Variants in UGT1A6 observed in about 807,000 individuals in gnomAD.
UGT1A6 encodes UDP-glucuronosyltransferase 1A6.
UGT1A6 carries 32 observed loss-of-function variants against 44.4 expected under a neutral mutation model. The ratio of observed to expected loss-of-function variants is 0.72; its 90% CI spans 0.54 to 0.97. The LOEUF is 0.97. Ranked by LOEUF, UGT1A6 falls within the 50% of genes least tolerant of loss-of-function variation. The probability of loss-of-function intolerance (pLI) is 0.00; values close to 1 mark genes in which losing one functional copy is unlikely to be tolerated. For missense variants in UGT1A6, 685 were observed against 661.9 expected (o/e 1.03, Z -0.38); for synonymous variants, 238 against 248.5 (o/e 0.96, Z 0.40).
chr2:233,749,951 T>C (rs566356604), intron 1 of UGT1A6, among the ~76,000 whole-genome samples: 1 of 151,998 alleles, frequency 6.6e-6, no homozygotes, highest in South Asian at 2.1e-4. Context: ...AATTACCGAG[T>C]CTTGGGTATG....
Position 233,769,784 on chromosome 2 carries a change from G to A in UGT1A6, c.1301+1345G>A. 3 of 1,312,290 alleles carry A rather than the reference G, an allele frequency of 2.3e-6. No individual in the cohort carries two copies. The highest frequency in any genetic ancestry group is 3.0e-6 in the Non-Finnish European group (3 of 1,000,230). 81.3% of individuals were successfully genotyped at this position (1,312,290 alleles called of 1,614,324 possible). The stretch of plus-strand genomic sequence containing the variant: ...GCGGGAGGATTGCTTGAGCCCAGAA[G>A]TTGGAGGCTGCTATGAGCCGTGATC... On this transcript the variant is annotated intron_variant, in intron 4 of 4. Coordinates refer to ENST00000305139, the MANE Select transcript of UGT1A6 (RefSeq NM_001072.4). This position sits in a 1 kb window ranked among gnomAD's most constrained non-coding sequence, Gnocchi z 4.4.
intron 1 of UGT1A6, among the ~76,000 whole-genome samples, chr2:233,724,404 G>C (rs1202271642): frequency 1.4e-5 from 2 of 140,508 alleles, no homozygotes; most frequent in African/African-American, 2.7e-5. Flanking sequence ...CTTCCCAGAT[G>C]GGGTGGCTGC....
chr2:233,755,003 C>G (rs10929301), intron 1 of UGT1A6: 604,259 of 1,287,546 alleles, frequency 0.47, 145,841 homozygotes, highest in African/African-American at 0.7. Context: ...AGCTGAAGAC[C>G]TACTCGAAGG....
chr2:233,735,219 T>G (rs1349774730), intron 1 of UGT1A6, among the ~76,000 whole-genome samples: 1 of 152,194 alleles, frequency 6.6e-6, no homozygotes, highest in Admixed American at 6.5e-5. Flanking sequence ...GCATATATAT[T>G]TAGGATAGTT....
At chr2:233,772,231 C>G (rs2126066106) in intron 4 of UGT1A6, 31 bp from the exon 5 acceptor site, 1 of 1,613,718 alleles carries the variant, frequency 6.2e-7, no homozygotes, top group Non-Finnish European at 8.5e-7. Context: ...CACAGGTGTT[C>G]CAGGCATAAC....
chr2:233,768,137 T>C (rs143830502), intron 3 of UGT1A6, 83 bp from the exon 4 acceptor site: 2 of 1,609,224 alleles, frequency 1.2e-6, no homozygotes, highest in East Asian at 4.5e-5. Context: ...ACTGAGTCTT[T>C]GGAGTGTTTT....
At chr2:233,737,721 CT>C (rs1222184655) in intron 1 of UGT1A6, among the ~76,000 whole-genome samples, 14 of 151,438 alleles carry the variant, frequency 9.2e-5, no homozygotes, top group African/African-American at 1.9e-4. Flanking sequence ...CCAACACCTC[CT>C]TTTTTTTTCC....
chr2:233,707,891 T>G (rs1264275324), intron 1 of UGT1A6, among the ~76,000 whole-genome samples: 1 of 152,254 alleles, frequency 6.6e-6, no homozygotes, highest in African/African-American at 2.4e-5. Flanking sequence ...GCATTAGTTA[T>G]GTACATGACT....
intron 1 of UGT1A6, chr2:233,741,725 C>G (rs1312283881): frequency 6.6e-6 from 1 of 151,856 alleles, no homozygotes; most frequent in Non-Finnish European, 1.5e-5. Flanking sequence ...AGAGCATATC[C>G]AAACCCATAT....
intron 1 of UGT1A6, chr2:233,755,911 G>A (rs1696063109): frequency 6.6e-6 from 1 of 151,336 alleles, no homozygotes; most frequent in African/African-American, 2.4e-5. Context: ...AATGTAGTGA[G>A]AAGAGTGGCA....
intron 1 of UGT1A6, among the ~76,000 whole-genome samples, chr2:233,739,213 A>G (rs1053433139): frequency 6.6e-6 from 1 of 152,254 alleles, no homozygotes; most frequent in Non-Finnish European, 1.5e-5. Context: ...CTGCATGGAT[A>G]GAGTCCTTAT....
chr2:233,732,720 A>G lies in UGT1A6; in HGVS notation c.862-34314A>G, dbSNP rs554458452. On this transcript the variant is annotated intron_variant, in intron 1 of 4. Transcript: ENST00000305139. ...TTTTGTTACTGTAGCCTTGTAGTAC[A>G]GTTTGAAGTCAGGTAGCATGATGCC... Among the ~76,000 whole-genome samples, 386 of 148,730 alleles carry G rather than the reference A, an allele frequency of 2.6e-3. 1 individual carries two copies. The highest frequency in any genetic ancestry group is 3.9e-3 in the Non-Finnish European group (263 of 67,550).
intron 1 of UGT1A6, among the ~76,000 whole-genome samples, chr2:233,740,045 T>C (rs374549434): frequency 3.3e-5 from 5 of 151,842 alleles, no homozygotes; most frequent in African/African-American, 1.2e-4. Context: ...AGGGACTCTT[T>C]CTCCTTTACT....
intron 1 of UGT1A6, chr2:233,761,147 C>T (rs1264463667): frequency 1.4e-5 from 23 of 1,614,204 alleles, no homozygotes; most frequent in Non-Finnish European, 1.8e-5. Context: ...AATCCACTAT[C>T]CCAGGTGTGT....
intron 1 of UGT1A6, among the ~76,000 whole-genome samples, chr2:233,699,882 A>T (rs1053068839): frequency 4.6e-5 from 7 of 152,168 alleles, no homozygotes; most frequent in African/African-American, 1.7e-4. Context: ...TGGTGTTGCA[A>T]TTGGAGAGGC....
intron 1 of UGT1A6, among the ~76,000 whole-genome samples, chr2:233,727,276 C>G (rs1480742457): frequency 6.6e-6 from 1 of 152,140 alleles, no homozygotes; most frequent in Non-Finnish European, 1.5e-5. Context: ...CATCTCCAGA[C>G]CCTGGAAGCT....
intron 1 of UGT1A6, among the ~76,000 whole-genome samples, chr2:233,698,174 G>C (rs370008696): frequency 6.6e-6 from 1 of 152,128 alleles, no homozygotes. Flanking sequence ...AGAACATTCT[G>C]TATTATGATA....
intron 1 of UGT1A6, among the ~76,000 whole-genome samples, chr2:233,714,888 A>ATCTTTTTTTTTTT (rs148944858): frequency 1.3e-5 from 2 of 151,902 alleles, no homozygotes; most frequent in Admixed American, 6.6e-5. Flanking sequence ...AAATTTTTCT[A>ATCTTTTTTTTTTT]TCTTTTGAGA....
In UGT1A6 at chr2:233,724,657, C is replaced by T. The variant is rs536267654; in HGVS notation, c.861+30792C>T. 3.3e-4 allele frequency among the ~76,000 whole-genome samples: 47 copies of T among 142,730 alleles called. 7 individuals are homozygous for T. The East Asian group carries it at 7.4e-3, about 23-fold the overall frequency. 93.6% of individuals were successfully genotyped at this position (142,730 alleles called of 152,430 possible). On this transcript the variant is annotated intron_variant, in intron 1 of 4. Transcript: ENST00000305139. The stretch of plus-strand genomic sequence containing the variant: ...AGATGTGATGGCGGCTGGGAAGAGG[C>T]GCTCCTCACTTCCTAGATGGGATGG...
Sources: gnomAD v4.1 joint callset for allele counts (sites outside exome capture counted in the v4.1 genomes callset) on GRCh38, gnomAD v4.1.1 for gene constraint, Gnocchi (gnomAD v3.1) non-coding constraint, MANE v1.5 for transcripts, NCBI Gene and HGNC (gene_info 2026-07-23, HGNC 2026-07-21) for gene names.